Variants in RPGRIP1L observed in about 807,000 individuals in gnomAD.
RPGRIP1L encodes protein fantom.
RPGRIP1L carries 131 observed loss-of-function variants against 160.4 expected under a neutral mutation model. The ratio of observed to expected loss-of-function variants is 0.82; its 90% CI spans 0.71 to 0.94. The LOEUF (loss-of-function observed/expected upper bound fraction) is 0.94, where lower values mean the gene tolerates loss of function less well. Among genes scored for constraint, RPGRIP1L ranks in the 40% least tolerant of loss-of-function variants. The probability of loss-of-function intolerance (pLI) is 0.00; values close to 1 mark genes in which losing one functional copy is unlikely to be tolerated. For synonymous variants in RPGRIP1L, 510 were observed against 515.8 expected, an observed-to-expected ratio of 0.99 and a Z score of 0.15; for missense variants, 1,522 against 1,535.8, an observed-to-expected ratio of 0.99 and a Z score of 0.15.
At chr16:53,693,105 G>A (rs1011467398) in intron 3 of RPGRIP1L, among the ~76,000 whole-genome samples, 1 of 152,134 alleles carries the variant, frequency 6.6e-6, no homozygotes, top group Non-Finnish European at 1.5e-5. Flanking sequence ...GCACATGGGG[G>A]TGATGTAATA....
Position 53,652,852 on chromosome 16 carries a change from T to C in RPGRIP1L, c.1835A>G (p.Asn612Ser). The stretch of plus-strand genomic sequence containing the variant: ...AACTTCAGAAGAAAAGGTTACTTTG[T>C]TGATATGGATTTCAAATAGATTTTC... Reference protein sequence around the residue: ...RGENLFEIHINKVTFSSEVLQ... With the variant: ...RGENLFEIHISKVTFSSEVLQ... The change falls in exon 15 of 27, where the codon AAC (asparagine) becomes AGC (serine). Residue 612 changes from asparagine (N) to serine (S), a missense_variant. By Grantham distance (46) the Asn-to-Ser change is conservative (BLOSUM62 1). Coordinates refer to ENST00000647211, the MANE Select transcript of RPGRIP1L (RefSeq NM_015272.5). 1.2e-6 allele frequency: 2 copies of C among 1,613,000 alleles called. No homozygotes were observed. Among genetic ancestry groups the C allele is most frequent in the Non-Finnish European group, 1.7e-6 (2 of 1,179,582 alleles).
rs764832127 is a variant in RPGRIP1L at position 53,605,498 on chromosome 16, A to G, written c.3818T>C (p.Ile1273Thr). Residue 1273 changes from isoleucine to threonine, a missense_variant, in exon 26 of 27, where the codon ATT (isoleucine) becomes ACT (threonine). Physicochemically the swap from Ile to Thr is moderately conservative, Grantham distance 89. Transcript: ENST00000647211. ...ACCCATACCATCGATATTTTGCTCA[A>G]TGAGGTCCCTCCCTTCCTGAAACAT... ...ADMFQEGRDL[I>T]EQNIDVFDAR... is the part of the protein sequence containing the mutation. The G allele has an allele frequency of 1.1e-5, 18 of 1,614,046 alleles. No homozygotes were observed. Among genetic ancestry groups the G allele is most frequent in the Middle Eastern group, 3.3e-4 (2 of 6,084 alleles).
chr16:53,686,622 T>A (rs1247786059), intron 5 of RPGRIP1L, 46 bp from the exon 6 acceptor site: 19 of 1,602,624 alleles, frequency 1.2e-5, no homozygotes, highest in Non-Finnish European at 1.6e-5. Flanking sequence ...GAGGAAAATT[T>A]TTCAATAGTT....
At chr16:53,656,653 A>G (rs1014409106) in intron 13 of RPGRIP1L, 64 bp from the exon 14 acceptor site, 8 of 1,179,030 alleles carry the variant, frequency 6.8e-6, no homozygotes, top group Non-Finnish European at 1.0e-5. Context: ...TATTCAAAGC[A>G]ACTATGATTC....
intron 25 of RPGRIP1L, among the ~76,000 whole-genome samples, chr16:53,606,621 G>C (rs144523773): frequency 6.6e-6 from 1 of 151,962 alleles, no homozygotes; most frequent in South Asian, 2.1e-4. Context: ...TTTGTTTGTT[G>C]TGTTTTTTTT....
rs1006433886 is a variant in RPGRIP1L, at chr16:53,652,534, C to G, written c.2152+1G>C. 5.6e-6 allele frequency: 9 copies of G among 1,610,088 alleles called. No individual in the cohort carries two copies. Among genetic ancestry groups the G allele is most frequent in the Non-Finnish European group, 6.8e-6 (8 of 1,176,520 alleles). ...ACCCAAGGCTTATACATTGTACTTA[C>G]CAATCAAACTTGCTGTACAAAATAT... On this transcript the variant is annotated splice_donor_variant, in intron 15 of 26. Coordinates refer to ENST00000647211, the MANE Select transcript of RPGRIP1L (RefSeq NM_015272.5). LOFTEE classifies it high-confidence loss of function.
chr16:53,699,071 G>A (rs955129471), intron 2 of RPGRIP1L, among the ~76,000 whole-genome samples: 1 of 152,150 alleles, frequency 6.6e-6, no homozygotes, highest in Non-Finnish European at 1.5e-5. Context: ...TTGGGATCCT[G>A]TTGATCTGTG....
At chr16:53,670,689 G>GT (rs1567862263) in intron 9 of RPGRIP1L, among the ~76,000 whole-genome samples, 1 of 152,170 alleles carries the variant, frequency 6.6e-6, no homozygotes, top group Admixed American at 6.5e-5. Flanking sequence ...AGAGACAATT[G>GT]TAAGTGGACA....
At chr16:53,646,095 G>A in intron 16 of RPGRIP1L, 92 bp from the exon 17 acceptor site, 1 of 1,135,132 alleles carries the variant, frequency 8.8e-7, no homozygotes, top group Non-Finnish European at 1.3e-6. Flanking sequence ...TTTTGTCAAT[G>A]ACAAAAGCTG....
chr16:53,603,674 A>ATG (rs3035223), intron 26 of RPGRIP1L, among the ~76,000 whole-genome samples: 42,924 of 147,792 alleles, frequency 0.29, 7,257 homozygotes, highest in Non-Finnish European at 0.4. Context: ...TTGAACTTTA[A>ATG]TGTGTGTGTG....
chr16:53,667,561 G>C (rs1191264145), intron 9 of RPGRIP1L, among the ~76,000 whole-genome samples: 1 of 152,070 alleles, frequency 6.6e-6, no homozygotes, highest in African/African-American at 2.4e-5. Context: ...AACATAGAGA[G>C]ATCCCATCTC....
chr16:53,682,787 G>A (rs978418719), intron 6 of RPGRIP1L, among the ~76,000 whole-genome samples: 1 of 151,994 alleles, frequency 6.6e-6, no homozygotes, highest in Non-Finnish European at 1.5e-5. Flanking sequence ...AACCATTCTT[G>A]GTTTTTAAAG....
At chr16:53,664,765 G>A (rs1968092011) in intron 10 of RPGRIP1L, 105 bp downstream of exon 10, 3 of 1,257,582 alleles carry the variant, frequency 2.4e-6, no homozygotes, top group Admixed American at 1.7e-5. Context: ...CTCATACATT[G>A]CGGGGATACT....
intron 23 of RPGRIP1L, 63 bp from the exon 24 acceptor site, chr16:53,619,271 T>A: frequency 2.1e-6 from 3 of 1,459,530 alleles, no homozygotes; most frequent in Non-Finnish European, 2.9e-6. Flanking sequence ...AAAGATCCAC[T>A]ATTACTTTCC....
At chr16:53,668,765 A>G (rs1242245680) in intron 9 of RPGRIP1L, among the ~76,000 whole-genome samples, 1 of 152,218 alleles carries the variant, frequency 6.6e-6, no homozygotes, top group Admixed American at 6.5e-5. Context: ...GACCCAACAG[A>G]AAGATATAAT....
intron 6 of RPGRIP1L, among the ~76,000 whole-genome samples, chr16:53,679,399 AT>A (rs796255961): frequency 4.0e-5 from 6 of 150,764 alleles, no homozygotes; most frequent in South Asian, 4.2e-4. Flanking sequence ...TGGGAATCTG[AT>A]TTTTTTTTCC....
chr16:53,674,899 A>G (rs1255908235), intron 7 of RPGRIP1L, 118 bp downstream of exon 7: 4 of 682,166 alleles, frequency 5.9e-6, no homozygotes, highest in Non-Finnish European at 1.0e-5. Flanking sequence ...ACAAAGAACA[A>G]TCCTTCAAAA....
rs1963638142 is a variant in RPGRIP1L at position 53,605,680 on chromosome 16, C to T, written c.3702-66G>A. ...AAGAAATCACCACGAGACAAAACTCCCAAATGGGGTGTTATCACTAGGTAT... is the reference window on the plus strand; with the variant it reads ...AAGAAATCACCACGAGACAAAACTCTCAAATGGGGTGTTATCACTAGGTAT... On this transcript the variant is annotated intron_variant, in intron 25 of 26. Transcript: ENST00000647211. The T allele has an allele frequency of 1.6e-5, 25 of 1,534,246 alleles. No individual in the cohort carries two copies. In the Admixed American group the frequency reaches 4.2e-4, roughly 26 times the overall value.
At chr16:53,641,233 T>A in intron 18 of RPGRIP1L, 52 bp downstream of exon 18, 1 of 1,571,158 alleles carries the variant, frequency 6.4e-7, no homozygotes. Flanking sequence ...TTCTTAAGCT[T>A]TATATTCAAA....
Sources: allele counts gnomAD v4.1 joint callset (sites outside exome capture counted in the v4.1 genomes callset), GRCh38; gene constraint gnomAD v4.1.1; transcripts MANE v1.5; gene names NCBI Gene and HGNC (gene_info 2026-07-23, HGNC 2026-07-21).